RBM11: variants seen among roughly 807,000 people sequenced by gnomAD.
The protein encoded by RBM11 is splicing regulator RBM11.
In RBM11, 18 loss-of-function variants were observed where a neutral mutation model predicts 21.4. The observed-to-expected ratio is 0.84, with a 90% CI of 0.58 to 1.25. The LOEUF (loss-of-function observed/expected upper bound fraction) is 1.25, where lower values mean the gene tolerates loss of function less well. Among genes scored for constraint, RBM11 ranks in the 50% most tolerant of loss-of-function variants. RBM11 has a pLI of 0.00. For missense variants in RBM11, 294 were observed against 331.9 expected (o/e 0.89, Z 0.89); for synonymous variants, 120 against 116.3 (o/e 1.03, Z -0.20).
Position 14,216,253 on chromosome 21 carries a change from G to C in RBM11, c.67G>C (p.Glu23Gln), listed in dbSNP as rs1189930836. Residue 23 changes from glutamate (E) to glutamine (Q), a missense_variant, in exon 1 of 5, where the codon GAA becomes CAA. Glu to Gln is a conservative substitution (Grantham distance 29). Coordinates refer to ENST00000400577, the MANE Select transcript of RBM11 (RefSeq NM_144770.5). ...FVGNLEARVR[E>Q]EILYELFLQA... ...TGGGAATTTAGAGGCCCGAGTTCGG[G>C]AAGAGATTCTGTACGAGCTGTTCCT... The C allele has an allele frequency of 1.2e-6, 2 of 1,613,814 alleles. No individual in the cohort carries two copies. The highest frequency in any genetic ancestry group is 1.7e-6 in the Non-Finnish European group (2 of 1,179,806).
intron 3 of RBM11, among the ~76,000 whole-genome samples, chr21:14,222,540 G>C (rs1978761466): frequency 6.6e-6 from 1 of 152,064 alleles, no homozygotes; most frequent in Non-Finnish European, 1.5e-5. Flanking sequence ...ATCTTTCAGA[G>C]CATTATTGCA....
At chr21:14,216,716 G>A (rs1044633323) in intron 1 of RBM11, among the ~76,000 whole-genome samples, 1 of 152,134 alleles carries the variant, frequency 6.6e-6, no homozygotes, top group Admixed American at 6.5e-5. Context: ...TATGCGGACA[G>A]TATTTTTATT....
chr21:14,219,150 C>T (rs889458952), intron 1 of RBM11, among the ~76,000 whole-genome samples: 6 of 152,052 alleles, frequency 3.9e-5, no homozygotes, highest in Non-Finnish European at 8.8e-5. Context: ...GATATAACAT[C>T]GCCAGCTTTT....
Position 14,216,269 on chromosome 21 carries a change from A to T in RBM11, c.83A>T (p.Glu28Val), listed in dbSNP as rs2020440046. The change falls in exon 1 of 5, where the codon GAG becomes GTG. Residue 28 changes from glutamate to valine, a missense_variant. By Grantham distance (121) the Glu-to-Val change is moderately radical. Around this residue, in one of 2 missense-constraint regions of RBM11, gnomAD observed 181 missense variants for 164.6 expected, o/e 1.10. Transcript: ENST00000400577. ...EARVREEILYELFLQAGPLTK... is the reference protein window; with the variant it reads ...EARVREEILYVLFLQAGPLTK... ...CGAGTTCGGGAAGAGATTCTGTACG[A>T]GCTGTTCCTTCAGGTACCGTCTCTG... 1 of 1,613,358 alleles carries T rather than the reference A, an allele frequency of 6.2e-7. No individual in the cohort carries two copies. Among genetic ancestry groups the T allele is most frequent in the Admixed American group, 1.7e-5 (1 of 59,964 alleles).
At chr21:14,221,406 T>A (rs1978656541) in intron 3 of RBM11, 1 of 356,098 alleles carries the variant, frequency 2.8e-6, no homozygotes, top group African/African-American at 2.2e-5. Context: ...TTTTATAGTT[T>A]TCTACATGCT....
In RBM11 at chr21:14,227,026, A is replaced by G. The variant is rs1979154483; in HGVS notation, c.579A>G (p.Gln193=). The G allele has an allele frequency of 1.9e-6, 3 of 1,613,568 alleles. No individual in the cohort carries two copies. Among genetic ancestry groups the G allele is most frequent in the Middle Eastern group, 1.6e-4 (1 of 6,074 alleles). Residue 193 remains glutamine (Q), a synonymous_variant, in exon 5 of 5, where the codon CAA becomes CAG. Transcript: ENST00000400577. ...GPSSYKWTHQ[Q]PSDSDLYQMT... ...GCTCATATAAATGGACTCACCAACA[A>G]CCAAGTGACTCTGACCTTTATCAGA...
In RBM11 at chr21:14,221,161, C is replaced by T. The variant is rs764575703; in HGVS notation, c.324C>T (p.His108=). 18 of 1,561,710 alleles carry T rather than the reference C, an allele frequency of 1.2e-5. No individual in the cohort carries two copies. Among genetic ancestry groups the T allele is most frequent in the Non-Finnish European group, 2.6e-6 (3 of 1,153,246 alleles). ...SFESCVKINS[H]NYRNEEMLVG... ...AGAGCTGTGTTAAGATAAATTCACA[C>T]AACTACAGGTAATTTTAAAAATATT... Residue 108 remains histidine (H), a synonymous_variant, in exon 3 of 5, where the codon CAC becomes CAT. Transcript: ENST00000400577.
intron 4 of RBM11, 147 bp downstream of exon 4, chr21:14,224,684 T>TA: frequency 8.3e-7 from 1 of 1,209,412 alleles, no homozygotes; most frequent in African/African-American, 1.6e-5. Context: ...TGTCCTGGCC[T>TA]AACACCATCA....
Position 14,224,305 on chromosome 21 carries a change from G to C in RBM11, c.333-133G>C, listed in dbSNP as rs569974220. 25 of 1,331,388 alleles carry C rather than the reference G, an allele frequency of 1.9e-5. No homozygotes were observed. In the African/African-American group the frequency reaches 3.7e-4, roughly 20 times the overall value. The allele number at this position is 1,331,388 out of a possible 1,614,324, so 82.5% of individuals were successfully genotyped here. On this transcript the variant is annotated intron_variant, in intron 3 of 4. Transcript: ENST00000400577. Reference sequence around the variant, plus strand: ...AGACATGTCAGCCCATCACACTTCTGAATTTACATGTGATTCCTCTATGCA... The same window carrying C: ...AGACATGTCAGCCCATCACACTTCTCAATTTACATGTGATTCCTCTATGCA...
chr21:14,221,033 T>C, intron 2 of RBM11, 64 bp from the exon 3 acceptor site: 3 of 1,467,792 alleles, frequency 2.0e-6, no homozygotes, highest in Non-Finnish European at 1.8e-6. Flanking sequence ...CATTTTATGG[T>C]TTAATATTAC....
intron 1 of RBM11, among the ~76,000 whole-genome samples, chr21:14,217,870 T>G (rs911568195): frequency 6.6e-5 from 10 of 152,186 alleles, no homozygotes; most frequent in African/African-American, 2.4e-4. Flanking sequence ...ACCATTATTT[T>G]TAGTCAATCA....
chr21:14,224,423 T>A lies in RBM11; in HGVS notation c.333-15T>A. 6.5e-7 allele frequency: 1 copy of A among 1,533,506 alleles called. No individual in the cohort carries two copies. The highest frequency in any genetic ancestry group is 1.3e-5 in the South Asian group (1 of 79,616). 95.0% of individuals were successfully genotyped at this position (1,533,506 alleles called of 1,614,324 possible). A position where few individuals can be genotyped will look rare whatever the true frequency, so the allele number is the denominator to read the frequency against. Reference sequence around the variant, plus strand: ...ATTTTAAGATTTTATTACTTCTTCTTTCATCTCCTCAAAGGAATGAAGAAA... The same window carrying A: ...ATTTTAAGATTTTATTACTTCTTCTATCATCTCCTCAAAGGAATGAAGAAA... On this transcript the variant is annotated splice_polypyrimidine_tract_variant and intron_variant, in intron 3 of 4. Coordinates refer to ENST00000400577, the MANE Select transcript of RBM11 (RefSeq NM_144770.5).
intron 3 of RBM11, among the ~76,000 whole-genome samples, chr21:14,222,726 A>T (rs1381896014): frequency 6.6e-6 from 1 of 152,242 alleles, no homozygotes; most frequent in Non-Finnish European, 1.5e-5. Context: ...CTATTAATAA[A>T]GTAGCAGAGG....
rs183945011 is a variant in RBM11 at position 14,219,516 on chromosome 21, A to G, written c.97-47A>G. On this transcript the variant is annotated intron_variant, in intron 1 of 4. Coordinates refer to ENST00000400577, the MANE Select transcript of RBM11 (RefSeq NM_144770.5). The stretch of plus-strand genomic sequence containing the variant: ...GTTGAATTTACTTATTTGAGTATAA[A>G]AAAAATCTTTGGATTTATGAGAAAA... 5.8e-6 allele frequency: 8 copies of G among 1,367,684 alleles called. No homozygotes were observed. The Admixed American group carries it at 2.3e-4, about 40-fold the overall frequency. 84.7% of individuals were successfully genotyped at this position (1,367,684 alleles called of 1,614,324 possible). A position where few individuals can be genotyped will look rare whatever the true frequency, so the allele number is the denominator to read the frequency against.
chr21:14,223,370 A>G (rs944214360), intron 3 of RBM11, among the ~76,000 whole-genome samples: 3 of 152,168 alleles, frequency 2.0e-5, no homozygotes, highest in African/African-American at 7.2e-5. Flanking sequence ...TCTGCTTTTA[A>G]TGAATATTCC....
chr21:14,219,548 T>G lies in RBM11; in HGVS notation c.97-15T>G. 4 of 1,452,382 alleles carry G rather than the reference T, an allele frequency of 2.8e-6. No individual in the cohort carries two copies. Among genetic ancestry groups the G allele is most frequent in the Non-Finnish European group, 3.7e-6 (4 of 1,090,958 alleles). The allele number at this position is 1,452,382 out of a possible 1,614,324, so 90.0% of individuals were successfully genotyped here. A position where few individuals can be genotyped will look rare whatever the true frequency, so the allele number is the denominator to read the frequency against. On this transcript the variant is annotated splice_polypyrimidine_tract_variant and intron_variant, in intron 1 of 4. Transcript: ENST00000400577. ...CTTTGGATTTATGAGAAAATAATTT[T>G]TAAGTTTCTTATAGGCGGGGCCACT...
intron 1 of RBM11, among the ~76,000 whole-genome samples, chr21:14,217,120 C>T (rs2020463662): frequency 6.6e-6 from 1 of 152,260 alleles, no homozygotes; most frequent in Non-Finnish European, 1.5e-5. Context: ...AGTGGTTCCG[C>T]GTGCGAACTC....
chr21:14,218,182 A>G (rs1568895967), intron 1 of RBM11, among the ~76,000 whole-genome samples: 1 of 145,620 alleles, frequency 6.9e-6, no homozygotes. Context: ...GTTGACTTTT[A>G]TCTTTACAAA....
rs748657637 is a variant in RBM11, at chr21:14,226,937, C to T, written c.490C>T (p.Leu164Phe). ...TCCTTACTATGAAATGACAGCTCCA[C>T]TTCCTAATAGTGCATCCGTGTCTTC... The part of the protein sequence containing the change: ...QLPYYEMTAP[L>F]PNSASVSSSL... Residue 164 changes from leucine to phenylalanine, a missense_variant, in exon 5 of 5, where the codon CTT becomes TTT. Physicochemically the swap from Leu to Phe is conservative, Grantham distance 22 (BLOSUM62 0). Around this residue, in one of 2 missense-constraint regions of RBM11, gnomAD observed 113 missense variants for 167.3 expected, o/e 0.68. Coordinates refer to ENST00000400577, the MANE Select transcript of RBM11 (RefSeq NM_144770.5). 7 of 1,613,712 alleles carry T rather than the reference C, an allele frequency of 4.3e-6. No individual in the cohort carries two copies. Among genetic ancestry groups the T allele is most frequent in the Non-Finnish European group, 2.5e-6 (3 of 1,179,782 alleles).
Sources: allele counts gnomAD v4.1 joint callset (sites outside exome capture counted in the v4.1 genomes callset), GRCh38; gene constraint gnomAD v4.1.1; regional missense constraint gnomAD v4.1.1; transcripts MANE v1.5; gene names NCBI Gene and HGNC (gene_info 2026-07-23, HGNC 2026-07-21).